The following CNTN1 variants were observed in gnomAD, a reference collection of about 807,000 sequenced individuals.
CNTN1 encodes the protein contactin-1.
In CNTN1, 38 loss-of-function variants were observed where a neutral mutation model predicts 126.4. That is an observed-to-expected ratio of 0.30 (90% CI 0.23 to 0.39). The LOEUF (loss-of-function observed/expected upper bound fraction) is 0.39, where lower values mean the gene tolerates loss of function less well. Ranked by LOEUF, CNTN1 falls within the 10% of genes least tolerant of loss-of-function variation. CNTN1 has a pLI of 1.00. For synonymous variants in CNTN1, 413 were observed against 422.6 expected (o/e 0.98, Z 0.28); for missense variants, 1,009 against 1,248.4 (o/e 0.81, Z 2.89).
chr12:40,889,142 T>TAA (rs1944156380), intron 1 of CNTN1, among the ~76,000 whole-genome samples: 2 of 152,252 alleles, frequency 1.3e-5, no homozygotes, highest in African/African-American at 4.8e-5. Flanking sequence ...TTCCTATCTG[T>TAA]ATACCTGTAT....
At chr12:41,063,800 C>A (rs371382010) in intron 23 of CNTN1, among the ~76,000 whole-genome samples, 32 of 152,240 alleles carry the variant, frequency 2.1e-4, no homozygotes, top group Middle Eastern at 3.4e-3. Flanking sequence ...TGGGGTAAAA[C>A]GATAGCCCAG....
At chr12:41,023,522 A>T (rs777787849) in intron 20 of CNTN1, among the ~76,000 whole-genome samples, 1 of 152,266 alleles carries the variant, frequency 6.6e-6, no homozygotes, top group Admixed American at 6.5e-5. Flanking sequence ...GCTCTTGCCC[A>T]GGAATCCACA....
intron 1 of CNTN1, among the ~76,000 whole-genome samples, chr12:40,810,177 T>TTA (rs903356481): frequency 2.3e-4 from 35 of 152,304 alleles, no homozygotes; most frequent in African/African-American, 7.9e-4. Context: ...TTTGGGGCAT[T>TTA]TATTCATTCA....
chr12:40,903,019 G>A (rs1944664056), intron 1 of CNTN1, among the ~76,000 whole-genome samples: 1 of 152,206 alleles, frequency 6.6e-6, no homozygotes, highest in Non-Finnish European at 1.5e-5. Context: ...TTACTATATT[G>A]AGAAGTGCTG....
In CNTN1 at chr12:40,924,543, T is replaced by G; in HGVS notation, c.401-14T>G. The G allele has an allele frequency of 7.1e-7, 1 of 1,408,002 alleles. No individual in the cohort carries two copies. The highest frequency in any genetic ancestry group is 2.3e-5 in the East Asian group (1 of 43,624). The allele number at this position is 1,408,002 out of a possible 1,614,324, so 87.2% of individuals were successfully genotyped here. A position where few individuals can be genotyped will look rare whatever the true frequency, so the allele number is the denominator to read the frequency against. The stretch of plus-strand genomic sequence containing the variant: ...CAGAGAGTGAATGTTTCTCTTTTTT[T>G]CTTTCGTAATTAGATCTTGATCCTT... On this transcript the variant is annotated splice_polypyrimidine_tract_variant and intron_variant, in intron 5 of 23. Coordinates refer to ENST00000551295, the MANE Select transcript of CNTN1 (RefSeq NM_001843.4).
chr12:40,910,737 T>C (rs1478989362), intron 3 of CNTN1, among the ~76,000 whole-genome samples: 2 of 152,230 alleles, frequency 1.3e-5, no homozygotes, highest in Non-Finnish European at 2.9e-5. Context: ...CTTTCCAATA[T>C]GTAAAAATCA....
chr12:40,834,846 T>A (rs1156797428), intron 1 of CNTN1, among the ~76,000 whole-genome samples: 1 of 152,126 alleles, frequency 6.6e-6, no homozygotes, highest in African/African-American at 2.4e-5. Flanking sequence ...AATTTTAGTA[T>A]AAAATTTAAA....
intron 1 of CNTN1, among the ~76,000 whole-genome samples, chr12:40,743,652 G>GT (rs1052809964): frequency 2.0e-5 from 3 of 151,540 alleles, no homozygotes; most frequent in Admixed American, 6.6e-5. Flanking sequence ...GGGTTGTTTT[G>GT]TTTTTTTTCT....
At chr12:40,887,299 G>A (rs1238938686) in intron 1 of CNTN1, among the ~76,000 whole-genome samples, 1 of 151,784 alleles carries the variant, frequency 6.6e-6, no homozygotes, top group African/African-American at 2.4e-5. Flanking sequence ...TTGTAAGTTG[G>A]ATTCCTAGAA....
At chr12:40,809,812 T>TCACACACACACACA (rs1491201033) in intron 1 of CNTN1, among the ~76,000 whole-genome samples, 3 of 42,058 alleles carry the variant, frequency 7.1e-5, no homozygotes, top group African/African-American at 2.6e-4. Flanking sequence ...TGAGACTCTG[T>TCACACACACACACA]CTCACACACA....
At chr12:40,896,937 G>A (rs1368174433) in intron 1 of CNTN1, among the ~76,000 whole-genome samples, 1 of 152,176 alleles carries the variant, frequency 6.6e-6, no homozygotes, top group African/African-American at 2.4e-5. Context: ...ACAAACTGAA[G>A]CTAATAATAG....
chr12:40,748,909 A>AT (rs1053895285), intron 1 of CNTN1, among the ~76,000 whole-genome samples: 2 of 152,070 alleles, frequency 1.3e-5, no homozygotes, highest in African/African-American at 4.8e-5. Flanking sequence ...TGCGATATAT[A>AT]TTTTTTATCT....
chr12:40,886,119 A>G (rs554496686), intron 1 of CNTN1, among the ~76,000 whole-genome samples: 18 of 152,214 alleles, frequency 1.2e-4, no homozygotes, highest in Admixed American at 8.5e-4. Flanking sequence ...CCTGGTCTAT[A>G]ATCATACCGT....
intron 1 of CNTN1, among the ~76,000 whole-genome samples, chr12:40,840,259 T>C (rs1325654557): frequency 6.6e-6 from 1 of 152,046 alleles, no homozygotes; most frequent in African/African-American, 2.4e-5. Flanking sequence ...AAAGTCATTA[T>C]ATAATCATAA....
chr12:40,904,285 T>TG (rs1361915521), intron 1 of CNTN1, among the ~76,000 whole-genome samples: 3 of 152,100 alleles, frequency 2.0e-5, no homozygotes, highest in South Asian at 2.1e-4. Flanking sequence ...CCCAAAGTGC[T>TG]GGATTACAGG....
At chr12:41,029,332 T>G in intron 23 of CNTN1, 113 bp downstream of exon 23, 1 of 1,189,736 alleles carries the variant, frequency 8.4e-7, no homozygotes, top group Non-Finnish European at 1.3e-6. Context: ...TTTTCCTAAG[T>G]AGATTGGACA....
chr12:40,831,895 G>A (rs374635890), intron 1 of CNTN1, among the ~76,000 whole-genome samples: 2 of 152,178 alleles, frequency 1.3e-5, no homozygotes. Context: ...AAAAATATTT[G>A]GTAAAACGTT....
rs1209674867 is a variant in CNTN1 at position 40,993,247 on chromosome 12, C to T, written c.2091C>T (p.Asn697=). 4.3e-6 allele frequency: 7 copies of T among 1,613,760 alleles called. No homozygotes were observed. Among genetic ancestry groups the T allele is most frequent in the East Asian group, 2.2e-5 (1 of 44,856 alleles). Residue 697 remains asparagine, a synonymous_variant, in exon 17 of 24, where the codon AAC becomes AAT. Coordinates refer to ENST00000551295, the MANE Select transcript of CNTN1 (RefSeq NM_001843.4). ...GAGGAGAGCCCAGTATACCATCTAA[C>T]AGAATTAAAACAGACGGTGCTGGTA... The part of the protein sequence containing the change: ...LGRGEPSIPS[N]RIKTDGAAPN...
chr12:40,919,118 G>T (rs1488108673), intron 4 of CNTN1, among the ~76,000 whole-genome samples: 2 of 152,006 alleles, frequency 1.3e-5, no homozygotes, highest in East Asian at 1.9e-4. Flanking sequence ...AAATGTTTTT[G>T]TTATGTACTG....
Sources: gnomAD v4.1 joint callset for allele counts (sites outside exome capture counted in the v4.1 genomes callset) on GRCh38, gnomAD v4.1.1 for gene constraint, MANE v1.5 for transcripts, NCBI Gene and HGNC (gene_info 2026-07-23, HGNC 2026-07-21) for gene names.